PCDH7: variants seen among roughly 807,000 people sequenced by gnomAD.
PCDH7 encodes protocadherin 7.
PCDH7 carries 17 observed loss-of-function variants against 58.9 expected under a neutral mutation model. The observed-to-expected ratio is 0.29, with a 90% CI of 0.20 to 0.43. PCDH7 has a LOEUF of 0.43. Ranked by LOEUF, PCDH7 falls within the 20% of genes least tolerant of loss-of-function variation. The probability of loss-of-function intolerance (pLI) is 1.00; values close to 1 mark genes in which losing one functional copy is unlikely to be tolerated. For synonymous variants in PCDH7, 664 were observed against 616.4 expected (o/e 1.08, Z -1.14); for missense variants, 1,274 against 1,441.0 (o/e 0.88, Z 1.88).
At chr4:30,995,483 G>C (rs1361037853) in intron 3 of PCDH7, among the ~76,000 whole-genome samples, 1 of 151,494 alleles carries the variant, frequency 6.6e-6, no homozygotes, top group African/African-American at 2.4e-5. Context: ...CTGCACTCCA[G>C]CCTGGGCGAC....
intron 3 of PCDH7, among the ~76,000 whole-genome samples, chr4:31,120,004 A>G (rs1004370829): frequency 1.1e-4 from 17 of 151,442 alleles, no homozygotes; most frequent in African/African-American, 4.1e-4. Context: ...GCTGCGACCA[A>G]TTATTATTTT....
At chr4:31,046,912 A>G (rs566466843) in intron 3 of PCDH7, among the ~76,000 whole-genome samples, 8 of 152,076 alleles carry the variant, frequency 5.3e-5, no homozygotes, top group Non-Finnish European at 1.0e-4. Flanking sequence ...ATAAGCATTT[A>G]TAAGTGCAAA....
intron 3 of PCDH7, among the ~76,000 whole-genome samples, chr4:30,981,024 G>A (rs760122757): frequency 6.6e-5 from 10 of 152,120 alleles, no homozygotes; most frequent in Non-Finnish European, 1.3e-4. Flanking sequence ...TGTATTTTTA[G>A]TAGAGATGGA....
intron 1 of PCDH7, among the ~76,000 whole-genome samples, chr4:30,821,775 G>A (rs1728407661): frequency 6.6e-6 from 1 of 152,076 alleles, no homozygotes; most frequent in Admixed American, 6.6e-5. Flanking sequence ...TGAATTGCCG[G>A]AATTCAAAAC....
chr4:30,872,127 A>G (rs1480223659), intron 1 of PCDH7, among the ~76,000 whole-genome samples: 2 of 152,150 alleles, frequency 1.3e-5, no homozygotes, highest in Non-Finnish European at 2.9e-5. Flanking sequence ...AGCCCATAAC[A>G]GATAAATTGG....
chr4:31,045,286 T>C (rs182523661), intron 3 of PCDH7, among the ~76,000 whole-genome samples: 2 of 152,104 alleles, frequency 1.3e-5, no homozygotes, highest in African/African-American at 4.8e-5. Context: ...TTTTGCACTT[T>C]TTTTCCCTAG....
chr4:30,922,548 T>G (rs1015215749), intron 2 of PCDH7, among the ~76,000 whole-genome samples: 4 of 152,132 alleles, frequency 2.6e-5, no homozygotes, highest in Admixed American at 6.5e-5. Flanking sequence ...ATCGGTTACC[T>G]TTTAGGAAAC....
intron 1 of PCDH7, among the ~76,000 whole-genome samples, chr4:30,824,581 G>A (rs16884130): frequency 0.037 from 5,571 of 152,096 alleles, 329 homozygotes; most frequent in African/African-American, 0.13. Context: ...TTACCTTGGC[G>A]CAGTGGCTAC....
chr4:30,936,454 A>G (rs559499471), intron 2 of PCDH7, among the ~76,000 whole-genome samples: 29 of 152,234 alleles, frequency 1.9e-4, no homozygotes, highest in African/African-American at 7.0e-4. Context: ...AAACTAATTT[A>G]AGTAGAAAAA....
At chr4:30,946,575 A>G (rs1373021697) in intron 2 of PCDH7, among the ~76,000 whole-genome samples, 1 of 150,982 alleles carries the variant, frequency 6.6e-6, no homozygotes, top group Non-Finnish European at 1.5e-5. Flanking sequence ...CCATTCTTTT[A>G]TACACATCCT....
chr4:30,759,262 G>C (rs1719727441), intron 1 of PCDH7, among the ~76,000 whole-genome samples: 1 of 152,078 alleles, frequency 6.6e-6, no homozygotes. Context: ...AGCTTTTTAA[G>C]TGGTCATGTC....
intron 1 of PCDH7, chr4:30,730,707 A>G (rs775546756): frequency 5.5e-6 from 8 of 1,467,186 alleles, no homozygotes; most frequent in Non-Finnish European, 4.7e-6. Flanking sequence ...AAATTTCTTT[A>G]TCGATTTTTT....
At chr4:31,093,102 G>A (rs949400002) in intron 3 of PCDH7, among the ~76,000 whole-genome samples, 2 of 152,122 alleles carry the variant, frequency 1.3e-5, no homozygotes, top group African/African-American at 4.8e-5. Flanking sequence ...CTGTGGTCCA[G>A]TGATGGGCAC....
At position 31,074,784 on chromosome 4, in the gene PCDH7, C is replaced by CAAAAAAAAAAAAAAAA. The variant is rs1157267696; in HGVS notation, c.*8-67681_*8-67666dup. Among the ~76,000 whole-genome samples, 292 of 52,468 alleles carry CAAAAAAAAAAAAAAAA rather than the reference C, an allele frequency of 5.6e-3. 36 individuals carry two copies. The highest frequency in any genetic ancestry group is 0.04 in the East Asian group (39 of 978). 34.4% of individuals were successfully genotyped at this position (52,468 alleles called of 152,430 possible). A position where few individuals can be genotyped will look rare whatever the true frequency, so the allele number is the denominator to read the frequency against. On this transcript the variant is annotated intron_variant, in intron 3 of 3. Transcript: ENST00000509759. ...TGGGCTACAGAGGGAGATTCCGTCT[C>CAAAAAAAAAAAAAAAA]AAAAAAAAAAAAAAAAAAAAAAAGC... is the stretch of plus-strand genomic sequence containing the variant.
intron 3 of PCDH7, among the ~76,000 whole-genome samples, chr4:31,041,636 T>C (rs1755871365): frequency 6.6e-6 from 1 of 151,820 alleles, no homozygotes; most frequent in African/African-American, 2.4e-5. Flanking sequence ...AACTAGACCA[T>C]TGTTTCAGTT....
At chr4:31,008,226 G>A (rs865897627) in intron 3 of PCDH7, among the ~76,000 whole-genome samples, 3 of 152,072 alleles carry the variant, frequency 2.0e-5, no homozygotes, top group Non-Finnish European at 4.4e-5. Flanking sequence ...ATGCTATTGA[G>A]TATTTTCACT....
chr4:31,122,535 G>T lies in PCDH7; in HGVS notation c.*8-19938G>T, dbSNP rs190846283. Among the ~76,000 whole-genome samples, 116 of 151,886 alleles carry T rather than the reference G, an allele frequency of 7.6e-4. 1 individual carries two copies. The highest frequency in any genetic ancestry group is 2.7e-3 in the African/African-American group (114 of 41,468). ...CTAACTTTTCCCCCTCTTTTTGAAGGTTATTTAATGCACATTTACTGAAAT... is the reference window on the plus strand; with the variant it reads ...CTAACTTTTCCCCCTCTTTTTGAAGTTTATTTAATGCACATTTACTGAAAT... On this transcript the variant is annotated intron_variant, in intron 3 of 3. Coordinates refer to the PCDH7 transcript ENST00000509759.
In PCDH7 at chr4:31,045,640, C is replaced by A. The variant is rs117126845; in HGVS notation, c.*7+95425C>A. Reference sequence around the variant, plus strand: ...TAATAAAATATTTTTGGTTGAAATTCTTAGTAACCAATTGATAACACTTTT... The same window carrying A: ...TAATAAAATATTTTTGGTTGAAATTATTAGTAACCAATTGATAACACTTTT... On this transcript the variant is annotated intron_variant, in intron 3 of 3. Transcript: ENST00000509759. 7.9e-5 allele frequency among the ~76,000 whole-genome samples: 12 copies of A among 152,058 alleles called. No homozygotes were observed. The East Asian group carries it at 2.3e-3, about 29-fold the overall frequency.
chr4:31,051,840 C>A (rs7657171), intron 3 of PCDH7, among the ~76,000 whole-genome samples: 1 of 147,092 alleles, frequency 6.8e-6, no homozygotes, highest in African/African-American at 2.6e-5. Flanking sequence ...GTGTGGGGGG[C>A]GGGTAGGGGA....
Sources: allele counts gnomAD v4.1 joint callset (sites outside exome capture counted in the v4.1 genomes callset), GRCh38; gene constraint gnomAD v4.1.1; transcripts MANE v1.5; gene names NCBI Gene and HGNC (gene_info 2026-07-23, HGNC 2026-07-21).